The following NUTM1 variants were observed in gnomAD, a reference collection of about 807,000 sequenced individuals.
The protein encoded by NUTM1 is NUT midline carcinoma family member 1, also known as NUT family member 1.
In NUTM1, 39 loss-of-function variants were observed where a neutral mutation model predicts 88.7. That is an observed-to-expected ratio of 0.44 (90% confidence interval 0.34 to 0.57). The LOEUF is 0.57. NUTM1 is among the 20% of genes least tolerant of loss of function. The probability of loss-of-function intolerance (pLI) is 0.01; values close to 1 mark genes in which losing one functional copy is unlikely to be tolerated. For missense variants in NUTM1, 1,350 were observed against 1,414.5 expected (o/e 0.95, Z 0.73); for synonymous variants, 494 against 538.0 (o/e 0.92, Z 1.13).
chr15:34,354,994 T>A, intron 6 of NUTM1, 27 bp from the exon 7 acceptor site: 1 of 1,537,852 alleles, frequency 6.5e-7, no homozygotes, highest in Non-Finnish European at 9.0e-7. Flanking sequence ...CTTACAGACT[T>A]ACATCGCTTT....
At position 34,354,505 on chromosome 15, in the gene NUTM1, G is replaced by A. The variant is rs1890764031; in HGVS notation, c.1135G>A (p.Ala379Thr). Reference protein sequence around the residue: ...TRAPRRRQRKAQRPPAPEAPK... With the variant: ...TRAPRRRQRKTQRPPAPEAPK... ...GGCCCCCCGCCGGCGTCAGCGTAAA[G>A]CCCAGAGACCTCCTGCTCCTGAGGC... The change falls in exon 6 of 8, where the codon GCC becomes ACC. Residue 379 changes from alanine to threonine, a missense_variant. Ala to Thr is a moderately conservative substitution (Grantham distance 58). Around this residue, in one of 5 missense-constraint regions of NUTM1, gnomAD observed 89 missense variants for 76.0 expected, o/e 1.17. Coordinates refer to ENST00000537011, the MANE Select transcript of NUTM1 (RefSeq NM_001284292.2). 1 of 1,614,206 alleles carries A rather than the reference G, an allele frequency of 6.2e-7. No individual in the cohort carries two copies. Among genetic ancestry groups the A allele is most frequent in the Non-Finnish European group, 8.5e-7 (1 of 1,180,042 alleles).
rs370035281 is a variant in NUTM1 at position 34,348,446 on chromosome 15, C to A, written c.578C>A (p.Pro193Gln). 2 of 1,614,138 alleles carry A rather than the reference C, an allele frequency of 1.2e-6. No individual in the cohort carries two copies. Among genetic ancestry groups the A allele is most frequent in the Non-Finnish European group, 1.7e-6 (2 of 1,179,986 alleles). Reference sequence around the variant, plus strand: ...GGCCTTCCGCCTCAGCCTCCACCACCAGTTGCTCAACTGGTCCCCATTGTG... The same window carrying A: ...GGCCTTCCGCCTCAGCCTCCACCACAAGTTGCTCAACTGGTCCCCATTGTG... Reference protein sequence around the residue: ...PPGLPPQPPPPVAQLVPIVPL... With the variant: ...PPGLPPQPPPQVAQLVPIVPL... Residue 193 changes from proline (P) to glutamine (Q), a missense_variant, in exon 3 of 8, where the codon CCA (proline) becomes CAA (glutamine). Coordinates refer to ENST00000537011, the MANE Select transcript of NUTM1 (RefSeq NM_001284292.2).
intron 4 of NUTM1, among the ~76,000 whole-genome samples, chr15:34,352,671 T>C (rs976372542): frequency 7.0e-6 from 1 of 143,622 alleles, no homozygotes; most frequent in South Asian, 2.2e-4. Context: ...CCAGGCGTGG[T>C]GGCACGCACC....
chr15:34,351,227 CAAAAAAAAAAAAAAAAAAAAAAAAAA>C (rs397853945), intron 4 of NUTM1, among the ~76,000 whole-genome samples: 8 of 34,466 alleles, frequency 2.3e-4, no homozygotes, highest in Non-Finnish European at 4.7e-5. Flanking sequence ...GACTCCATCT[CAAAAAAAAAAAAAAAAAAAAAAAAAA>C]AAAAAAAAAA....
chr15:34,354,488 G>A lies in NUTM1; in HGVS notation c.1118G>A (p.Arg373His), dbSNP rs139446732. 2.7e-5 allele frequency: 44 copies of A among 1,613,950 alleles called. No homozygotes were observed. The South Asian group carries it at 3.6e-4, about 13-fold the overall frequency. Residue 373 changes from arginine to histidine, a missense_variant, in exon 6 of 8, where the codon CGC (arginine) becomes CAC (histidine). Transcript: ENST00000537011. The stretch of plus-strand genomic sequence containing the variant: ...GCAGCCTCCAAGACACGGGCCCCCC[G>A]CCGGCGTCAGCGTAAAGCCCAGAGA... ...KKAASKTRAP[R>H]RRQRKAQRPP...
rs1890823554 is a variant in NUTM1 at position 34,356,848 on chromosome 15, A to C, written c.2840A>C (p.Asp947Ala). 6.2e-7 allele frequency: 1 copy of C among 1,612,340 alleles called. No homozygotes were observed. Among genetic ancestry groups the C allele is most frequent in the African/African-American group, 1.3e-5 (1 of 74,250 alleles). The change falls in exon 8 of 8, where the codon GAC (aspartate) becomes GCC (alanine). Residue 947 changes from aspartate (D) to alanine (A), a missense_variant. Coordinates refer to ENST00000537011, the MANE Select transcript of NUTM1 (RefSeq NM_001284292.2). Reference protein sequence around the residue: ...DCGLQLRVSEDTCPLNVHSYD... With the variant: ...DCGLQLRVSEATCPLNVHSYD... ...GGCCTCCAACTAAGGGTCAGCGAGGACACCTGCCCACTGAATGTTCATTCT... is the reference window on the plus strand; with the variant it reads ...GGCCTCCAACTAAGGGTCAGCGAGGCCACCTGCCCACTGAATGTTCATTCT...
In NUTM1 at chr15:34,348,484, G is replaced by C; in HGVS notation, c.616G>C (p.Ala206Pro). ...GGTCCCCATTGTGCCCCTGGAAAAA[G>C]CTTGGCCAGGGCCACATGGGACAAC... is the stretch of plus-strand genomic sequence containing the variant. ...QLVPIVPLEK[A>P]WPGPHGTTGE... The change falls in exon 3 of 8, where the codon GCT becomes CCT. Residue 206 changes from alanine (A) to proline (P), a missense_variant. Ala to Pro is a conservative substitution (Grantham distance 27, BLOSUM62 -1). This residue lies in a region of NUTM1 where 399 missense variants were observed against 397.9 expected (regional missense o/e 1.00). Transcript: ENST00000537011. The C allele has an allele frequency of 6.2e-7, 1 of 1,614,148 alleles. No homozygotes were observed. Among genetic ancestry groups the C allele is most frequent in the South Asian group, 1.1e-5 (1 of 91,090 alleles).
intron 2 of NUTM1, 137 bp downstream of exon 2, chr15:34,346,172 A>C: frequency 1.1e-6 from 1 of 875,358 alleles, no homozygotes; most frequent in Non-Finnish European, 1.9e-6. Context: ...AGGGAAGGAG[A>C]TTGTACCTTT....
intron 2 of NUTM1, 138 bp downstream of exon 2, chr15:34,346,173 T>G (rs1344724354): frequency 1.1e-6 from 1 of 873,274 alleles, no homozygotes; most frequent in African/African-American, 1.7e-5. Context: ...GGGAAGGAGA[T>G]TGTACCTTTA....
At chr15:34,347,573 A>T (rs1479544459) in intron 2 of NUTM1, among the ~76,000 whole-genome samples, 1 of 152,104 alleles carries the variant, frequency 6.6e-6, no homozygotes, top group Non-Finnish European at 1.5e-5. Flanking sequence ...AAAAAAATTT[A>T]AAAATAAAGG....
rs1308742967 is a variant in NUTM1 at position 34,354,586 on chromosome 15, C to T, written c.1216C>T (p.Leu406=). The change falls in exon 6 of 8, where the codon CTG becomes TTG. Residue 406 remains leucine, a synonymous_variant. Transcript: ENST00000537011. ...VKEYVDIMEW[L]VGTHLATGES... ...GGAGTATGTTGACATCATGGAATGG[C>T]TGGTGGGGACTCACTTGGCCACTGG... 1 of 1,614,156 alleles carries T rather than the reference C, an allele frequency of 6.2e-7. No individual in the cohort carries two copies. Among genetic ancestry groups the T allele is most frequent in the Admixed American group, 1.7e-5 (1 of 60,018 alleles).
chr15:34,347,947 TTC>T lies in NUTM1; in HGVS notation c.101-20_101-19del. The T allele has an allele frequency of 6.7e-7, 1 of 1,503,624 alleles. No homozygotes were observed. The highest frequency in any genetic ancestry group is 9.1e-7 in the Non-Finnish European group (1 of 1,097,730). 93.1% of individuals were successfully genotyped at this position (1,503,624 alleles called of 1,614,324 possible). ...GTCTTCTTTTCTCCTACTCCATTTC[TTC>T]TTTTTCTTTGTCTCAACAGCATCTG... On this transcript the variant is annotated intron_variant, in intron 2 of 7. Coordinates refer to ENST00000537011, the MANE Select transcript of NUTM1 (RefSeq NM_001284292.2).
intron 2 of NUTM1, among the ~76,000 whole-genome samples, chr15:34,347,304 C>T (rs566897676): frequency 1.3e-5 from 2 of 151,232 alleles, no homozygotes; most frequent in African/African-American, 4.9e-5. Flanking sequence ...GTCACCGAGG[C>T]TGGAGCACAG....
chr15:34,344,557 A>C (rs531660009), intron 1 of NUTM1, among the ~76,000 whole-genome samples: 10 of 152,028 alleles, frequency 6.6e-5, no homozygotes, highest in Non-Finnish European at 1.3e-4. Flanking sequence ...TAGTTGCATA[A>C]AAAATCTCTG....
In NUTM1 at chr15:34,355,611, C is replaced by T. The variant is rs78073896; in HGVS notation, c.1603C>T (p.Arg535Trp). The T allele has an allele frequency of 0.011, 18,512 of 1,613,488 alleles. 197 individuals are homozygous for T. Among genetic ancestry groups the T allele is most frequent in the African/African-American group, 0.047 (3,493 of 74,972 alleles). The change falls in exon 8 of 8, where the codon CGG becomes TGG. Residue 535 changes from arginine to tryptophan, a missense_variant. By Grantham distance (101) the Arg-to-Trp change is moderately radical. Coordinates refer to ENST00000537011, the MANE Select transcript of NUTM1 (RefSeq NM_001284292.2). The surrounding 1 kb of genome is among the most constrained non-coding windows in gnomAD (Gnocchi z 4.3). ...GSVEDEDGDGRLRPSPGLQGA... is the reference protein window; with the variant it reads ...GSVEDEDGDGWLRPSPGLQGA... ...TGTTGAGGATGAAGATGGGGATGGGCGGCTTCGGCCCTCACCTGGGCTTCA... is the reference window on the plus strand; with the variant it reads ...TGTTGAGGATGAAGATGGGGATGGGTGGCTTCGGCCCTCACCTGGGCTTCA...
Position 34,355,524 on chromosome 15 carries a change from G to A in NUTM1, c.1516G>A (p.Glu506Lys), listed in dbSNP as rs548347433. 219 of 1,614,134 alleles carry A rather than the reference G, an allele frequency of 1.4e-4. 2 individuals carry two copies. The South Asian group carries it at 2.3e-3, about 17-fold the overall frequency. The change falls in exon 8 of 8, where the codon GAA becomes AAA. Residue 506 changes from glutamate to lysine, a missense_variant. This residue lies in a region of NUTM1 where 126 missense variants were observed against 189.8 expected (regional missense o/e 0.66). Coordinates refer to ENST00000537011, the MANE Select transcript of NUTM1 (RefSeq NM_001284292.2). This position sits in a 1 kb window ranked among gnomAD's most constrained non-coding sequence, Gnocchi z 4.3. ...QKRLMALEEE[E>K]DAEAPPSFSG... ...GCGACTCATGGCCTTGGAAGAGGAGGAAGATGCAGAGGCGCCTCCAAGTTT... is the reference window on the plus strand; with the variant it reads ...GCGACTCATGGCCTTGGAAGAGGAGAAAGATGCAGAGGCGCCTCCAAGTTT...
At position 34,357,050 on chromosome 15, in the gene NUTM1, AG is replaced by A; in HGVS notation, c.3043del (p.Glu1015LysfsTer91). 1 of 1,614,074 alleles carries A rather than the reference AG, an allele frequency of 6.2e-7. No individual in the cohort carries two copies. The highest frequency in any genetic ancestry group is 1.1e-5 in the South Asian group (1 of 91,072). On this transcript the variant is annotated frameshift_variant, in exon 8 of 8. Transcript: ENST00000537011. LOFTEE classifies it high-confidence loss of function. ...RGTRNAIVPRETSVSKTHRSA... is the reference protein window; with the variant it reads ...RGTRNAIVPRXTSVSKTHRSA... ...GAACCAGGAATGCCATAGTTCCGAG[AG>A]AAACTTCTGTTAGTAAAACACACAG...
At position 34,355,283 on chromosome 15, in the gene NUTM1, A is replaced by G; in HGVS notation, c.1479+146A>G. The G allele has an allele frequency of 1.3e-6, 1 of 744,566 alleles. No homozygotes were observed. The highest frequency in any genetic ancestry group is 2.3e-6 in the Non-Finnish European group (1 of 441,944). 46.1% of individuals were successfully genotyped at this position (744,566 alleles called of 1,614,324 possible). A position where few individuals can be genotyped will look rare whatever the true frequency, so the allele number is the denominator to read the frequency against. ...GAACGAGTAGGTAGAGGGCTATGGA[A>G]ACACAGGAAATGAGAATGTAAGGGC... On this transcript the variant is annotated intron_variant, in intron 7 of 7. Coordinates refer to ENST00000537011, the MANE Select transcript of NUTM1 (RefSeq NM_001284292.2). The surrounding 1 kb of genome is among the most constrained non-coding windows in gnomAD (Gnocchi z 4.3).
intron 2 of NUTM1, among the ~76,000 whole-genome samples, chr15:34,347,136 GAT>G (rs1244707057): frequency 5.9e-5 from 9 of 152,048 alleles, no homozygotes; most frequent in Non-Finnish European, 1.2e-4. Flanking sequence ...GAAGAACTCA[GAT>G]GGGGTGTGGT....
Sources: allele counts gnomAD v4.1 joint callset (sites outside exome capture counted in the v4.1 genomes callset), GRCh38; gene constraint gnomAD v4.1.1; regional missense constraint gnomAD v4.1.1; non-coding constraint Gnocchi (gnomAD v3.1); transcripts MANE v1.5; gene names NCBI Gene and HGNC (gene_info 2026-07-23, HGNC 2026-07-21).